SHANK2: variants seen among roughly 807,000 people sequenced by gnomAD.
SHANK2 encodes SH3 and multiple ankyrin repeat domains 2.
Under a neutral mutation model 133.7 loss-of-function variants are expected in SHANK2, and 43 were observed. That is an observed-to-expected ratio of 0.32 (90% CI 0.25 to 0.41). SHANK2 has a LOEUF of 0.41. SHANK2 is among the 10% of genes least tolerant of loss of function. The pLI, the probability that SHANK2 is intolerant of heterozygous loss-of-function variation, is 1.00. For synonymous variants in SHANK2, 1,017 were observed against 952.8 expected, an observed-to-expected ratio of 1.07 and a Z score of -1.24; for missense variants, 1,994 against 2,235.8, an observed-to-expected ratio of 0.89 and a Z score of 2.18.
At chr11:70,897,931 A>AATATAC (rs1338207423) in intron 10 of SHANK2, among the ~76,000 whole-genome samples, 6 of 151,052 alleles carry the variant, frequency 4.0e-5, no homozygotes, top group African/African-American at 7.4e-5. Context: ...AATGTCTCAT[A>AATATAC]ATATACATAT....
At chr11:70,635,813 G>A (rs1293013532) in intron 17 of SHANK2, among the ~76,000 whole-genome samples, 1 of 152,104 alleles carries the variant, frequency 6.6e-6, no homozygotes, top group Non-Finnish European at 1.5e-5. Flanking sequence ...GATCTCTTGG[G>A]GGCCAGCTCT....
At chr11:71,212,604 G>A (rs1555119023) in intron 2 of SHANK2, among the ~76,000 whole-genome samples, 1 of 152,212 alleles carries the variant, frequency 6.6e-6, no homozygotes, top group Admixed American at 6.5e-5. Flanking sequence ...GCTCTAAGAT[G>A]ATGAGACCAT....
At chr11:70,795,109 G>A (rs568533682) in intron 14 of SHANK2, among the ~76,000 whole-genome samples, 5 of 152,224 alleles carry the variant, frequency 3.3e-5, no homozygotes, top group African/African-American at 1.2e-4. Flanking sequence ...TGATCTTGGT[G>A]TACCTCCTTC....
chr11:70,551,365 C>T (rs1358788000), intron 17 of SHANK2, among the ~76,000 whole-genome samples: 5 of 152,078 alleles, frequency 3.3e-5, no homozygotes, highest in Non-Finnish European at 5.9e-5. Flanking sequence ...CAGTCTGACC[C>T]TAAGCTGCGT....
chr11:70,592,365 T>C (rs1254660255), intron 17 of SHANK2, among the ~76,000 whole-genome samples: 3 of 152,158 alleles, frequency 2.0e-5, no homozygotes, highest in Non-Finnish European at 4.4e-5. Context: ...CTGCTCCCAC[T>C]CGGAGTGAGA....
At position 70,742,078 on chromosome 11, in the gene SHANK2, C is replaced by T. The variant is rs1030325599; in HGVS notation, c.1778-43315G>A. Among the ~76,000 whole-genome samples the T allele has an allele frequency of 2.0e-5, 3 of 152,222 alleles. No individual in the cohort carries two copies. In the East Asian group the frequency reaches 5.8e-4, roughly 29 times the overall value. ...AATGAAAACCACTCACAAGGCAAAA[C>T]ATTAGATACACTGGCTGTCCACCTA... On this transcript the variant is annotated intron_variant, in intron 14 of 25. Coordinates refer to ENST00000601538, the MANE Select transcript of SHANK2 (RefSeq NM_012309.5).
chr11:71,136,979 C>T (rs1384237438), intron 3 of SHANK2, among the ~76,000 whole-genome samples: 1 of 152,182 alleles, frequency 6.6e-6, no homozygotes, highest in Non-Finnish European at 1.5e-5. Context: ...TCTCCTGCCT[C>T]AGCCTCCTGA....
chr11:70,887,923 G>T (rs568941746), intron 11 of SHANK2, among the ~76,000 whole-genome samples: 84 of 152,258 alleles, frequency 5.5e-4, no homozygotes, highest in Non-Finnish European at 8.8e-4. Context: ...CCAAGGGTTT[G>T]CCCTGACGCC....
chr11:70,791,837 T>G (rs1203305845), intron 14 of SHANK2, among the ~76,000 whole-genome samples: 1 of 152,200 alleles, frequency 6.6e-6, no homozygotes, highest in African/African-American at 2.4e-5. Context: ...TCCGACATGC[T>G]GAGATGGGGA....
chr11:71,109,854 G>T, intron 6 of SHANK2, 87 bp downstream of exon 6: 1 of 793,126 alleles, frequency 1.3e-6, no homozygotes, highest in Non-Finnish European at 2.2e-6. Flanking sequence ...GGTAACTGCA[G>T]CGTTATTCAC....
At position 71,235,597 on chromosome 11, in the gene SHANK2, GA is replaced by G. The variant is rs11412828; in HGVS notation, c.-112-10802del. ...AACAAGAGTGAAACTCTCTCTCGGG[GA>G]AAAAAAAAAAAACGTTAACTTTATG... is the stretch of plus-strand genomic sequence containing the variant. On this transcript the variant is annotated intron_variant, in intron 1 of 25. Transcript: ENST00000601538. Among the ~76,000 whole-genome samples the G allele has an allele frequency of 3.2e-3, 462 of 142,562 alleles. 1 individual carries two copies. Among genetic ancestry groups the G allele is most frequent in the African/African-American group, 0.011 (410 of 38,848 alleles). The allele number at this position is 142,562 out of a possible 152,430, so 93.5% of individuals were successfully genotyped here.
rs536896363 is a variant in SHANK2 at position 70,482,960 on chromosome 11, T to G, written c.4979+2354A>C. Among the ~76,000 whole-genome samples, 3 of 152,284 alleles carry G rather than the reference T, an allele frequency of 2.0e-5. No individual in the cohort carries two copies. In the South Asian group the frequency reaches 6.2e-4, roughly 32 times the overall value. On this transcript the variant is annotated intron_variant, in intron 25 of 25. Coordinates refer to ENST00000601538, the MANE Select transcript of SHANK2 (RefSeq NM_012309.5). Reference sequence around the variant, plus strand: ...CTGAAGACGAGTAGAGGGGATGAGCTGTCCAGCTGCCACTCAGGGAGAGGT... The same window carrying G: ...CTGAAGACGAGTAGAGGGGATGAGCGGTCCAGCTGCCACTCAGGGAGAGGT...
chr11:71,147,759 A>G (rs1396513021), intron 2 of SHANK2, among the ~76,000 whole-genome samples: 1 of 152,246 alleles, frequency 6.6e-6, no homozygotes, highest in Non-Finnish European at 1.5e-5. Flanking sequence ...ACAGAGCTTC[A>G]GGAGAGGAAG....
chr11:70,772,197 T>C (rs575259888), intron 14 of SHANK2, among the ~76,000 whole-genome samples: 26 of 152,238 alleles, frequency 1.7e-4, no homozygotes, highest in African/African-American at 6.0e-4. Context: ...CCTAGCACTT[T>C]GGGAGGCTGA....
At chr11:70,613,763 G>GTTTTGT (rs2060698252) in intron 17 of SHANK2, among the ~76,000 whole-genome samples, 1 of 123,776 alleles carries the variant, frequency 8.1e-6, no homozygotes, top group Non-Finnish European at 1.6e-5. Context: ...AGGGGAACTT[G>GTTTTGT]TTTTTTTTTT....
intron 17 of SHANK2, among the ~76,000 whole-genome samples, chr11:70,506,874 T>G (rs1307094229): frequency 6.6e-6 from 1 of 152,136 alleles, no homozygotes; most frequent in Non-Finnish European, 1.5e-5. Context: ...TGGCAAGCAC[T>G]TGGGGGCAGG....
At chr11:71,212,624 A>G (rs1271391164) in intron 2 of SHANK2, among the ~76,000 whole-genome samples, 2 of 152,190 alleles carry the variant, frequency 1.3e-5, no homozygotes, top group African/African-American at 4.8e-5. Flanking sequence ...TCTTTGGCCG[A>G]GATGGAAGGA....
intron 10 of SHANK2, among the ~76,000 whole-genome samples, chr11:70,933,532 T>C (rs782180026): frequency 6.6e-6 from 1 of 152,210 alleles, no homozygotes; most frequent in South Asian, 2.1e-4. Flanking sequence ...TGTATTTGAC[T>C]ACAGTTGAGA....
intron 12 of SHANK2, among the ~76,000 whole-genome samples, chr11:70,808,264 T>C (rs1176992168): frequency 1.3e-5 from 2 of 152,088 alleles, no homozygotes; most frequent in Non-Finnish European, 1.5e-5. Flanking sequence ...TGCAGTGGCA[T>C]GATCTCGGCT....
Sources: gnomAD v4.1 joint callset for allele counts (sites outside exome capture counted in the v4.1 genomes callset) on GRCh38, gnomAD v4.1.1 for gene constraint, MANE v1.5 for transcripts, NCBI Gene and HGNC (gene_info 2026-07-23, HGNC 2026-07-21) for gene names.